HEATR5A: variants seen among roughly 807,000 people sequenced by gnomAD.
HEATR5A encodes HEAT repeat-containing protein 5A.
HEATR5A carries 178 observed loss-of-function variants against 218.8 expected under a neutral mutation model. The observed-to-expected ratio is 0.81, with a 90% CI of 0.72 to 0.92. HEATR5A has a LOEUF of 0.92. Ranked by LOEUF, HEATR5A falls within the 40% of genes least tolerant of loss-of-function variation. HEATR5A has a pLI of 0.00. For missense variants in HEATR5A, 2,420 were observed against 2,418.9 expected, an observed-to-expected ratio of 1.00 and a Z score of -0.01; for synonymous variants, 864 against 871.6, an observed-to-expected ratio of 0.99 and a Z score of 0.15.
Position 31,337,659 on chromosome 14 carries a change from G to A in HEATR5A, c.3229-45C>T, listed in dbSNP as rs1356348598. On this transcript the variant is annotated intron_variant, in intron 21 of 35. Transcript: ENST00000543095. ...GAACGACAGAGCTAAAATTCTTGTT[G>A]GCACTCAGTGAGTCTAATAGATATT... 5 of 1,559,298 alleles carry A rather than the reference G, an allele frequency of 3.2e-6. No homozygotes were observed. The East Asian group carries it at 9.3e-5, about 29-fold the overall frequency.
chr14:31,299,142 A>C (rs902294823), intron 33 of HEATR5A, among the ~76,000 whole-genome samples: 1 of 152,202 alleles, frequency 6.6e-6, no homozygotes. Context: ...ATACACACAT[A>C]GTCCAGAAAG....
At chr14:31,306,337 G>C (rs985757539) in intron 31 of HEATR5A, among the ~76,000 whole-genome samples, 3 of 152,062 alleles carry the variant, frequency 2.0e-5, no homozygotes, top group African/African-American at 7.2e-5. Context: ...GAAAAAATTA[G>C]CCAGGCATGG....
At chr14:31,322,729 G>C (rs959345759) in intron 24 of HEATR5A, among the ~76,000 whole-genome samples, 1 of 151,614 alleles carries the variant, frequency 6.6e-6, no homozygotes, top group Non-Finnish European at 1.5e-5. Context: ...TGGGGTGGGA[G>C]GATTGCTTGA....
At chr14:31,381,494 G>T (rs2029980261) in intron 10 of HEATR5A, among the ~76,000 whole-genome samples, 1 of 147,048 alleles carries the variant, frequency 6.8e-6, no homozygotes, top group Admixed American at 7.0e-5. Flanking sequence ...ACCAGCCTAG[G>T]AGTGAGCTAG....
At chr14:31,402,773 A>G (rs1343569141) in intron 2 of HEATR5A, 77 bp downstream of exon 2, 3 of 1,377,408 alleles carry the variant, frequency 2.2e-6, no homozygotes, top group Non-Finnish European at 2.9e-6. Flanking sequence ...GTTATTCTGG[A>G]AAAAACTAGA....
Position 31,321,684 on chromosome 14 carries a change from TA to T in HEATR5A, c.3788-5del. On this transcript the variant is annotated splice_region_variant and splice_polypyrimidine_tract_variant and intron_variant, in intron 24 of 35. Transcript: ENST00000543095. ...AGATGCAGTACCAAAAAGTCATCTATAAGATTAAAAAACATATTGGGAGAAA... is the reference window on the plus strand; with the variant it reads ...AGATGCAGTACCAAAAAGTCATCTATAGATTAAAAAACATATTGGGAGAAA... The T allele has an allele frequency of 6.4e-7, 1 of 1,564,358 alleles. No homozygotes were observed. Among genetic ancestry groups the T allele is most frequent in the Non-Finnish European group, 8.7e-7 (1 of 1,156,064 alleles).
intron 31 of HEATR5A, 28 bp downstream of exon 31, chr14:31,306,704 C>A: frequency 6.3e-7 from 1 of 1,577,978 alleles, no homozygotes; most frequent in South Asian, 1.2e-5. Context: ...GCTATTTGAT[C>A]AACTCGGCAT....
intron 1 of HEATR5A, among the ~76,000 whole-genome samples, chr14:31,418,591 C>T (rs1159798031): frequency 6.6e-6 from 1 of 152,166 alleles, no homozygotes; most frequent in Non-Finnish European, 1.5e-5. Flanking sequence ...TTTTTGGCCC[C>T]AGTTAATTGA....
Position 31,369,430 on chromosome 14 carries a change from T to A in HEATR5A, c.1961+2380A>T, listed in dbSNP as rs551762812. On this transcript the variant is annotated intron_variant, in intron 13 of 35. Coordinates refer to ENST00000543095, the MANE Select transcript of HEATR5A (RefSeq NM_015473.4). ...AAGTTCAAAACCAGCCTGGCCAACA[T>A]GGCAAAATCCTGTCTCTATGAAAAA... 3.3e-5 allele frequency among the ~76,000 whole-genome samples: 5 copies of A among 151,996 alleles called. No individual in the cohort carries two copies. The South Asian group carries it at 1.0e-3, about 32-fold the overall frequency.
intron 20 of HEATR5A, among the ~76,000 whole-genome samples, chr14:31,344,767 T>C (rs1361816362): frequency 1.7e-4 from 1 of 5,944 alleles, no homozygotes; most frequent in Non-Finnish European, 2.0e-3. Context: ...TGTAATAGTA[T>C]GCAATTTGAA....
At chr14:31,312,472 G>T (rs1252054429) in intron 28 of HEATR5A, among the ~76,000 whole-genome samples, 3 of 151,220 alleles carry the variant, frequency 2.0e-5, no homozygotes, top group African/African-American at 4.9e-5. Context: ...GAGTGCAGTG[G>T]CACGATCTCA....
chr14:31,349,316 G>A (rs1407884254), intron 18 of HEATR5A, among the ~76,000 whole-genome samples: 7 of 151,978 alleles, frequency 4.6e-5, no homozygotes, highest in African/African-American at 1.4e-4. Flanking sequence ...CCTGGGAGGC[G>A]GAGCTTGCAG....
chr14:31,380,514 T>C lies in HEATR5A; in HGVS notation c.1661A>G (p.Gln554Arg). The C allele has an allele frequency of 6.2e-7, 1 of 1,609,402 alleles. No individual in the cohort carries two copies. Residue 554 changes from glutamine to arginine, a missense_variant, in exon 11 of 36, where the codon CAG becomes CGG. Coordinates refer to ENST00000543095, the MANE Select transcript of HEATR5A (RefSeq NM_015473.4). ...CAGCAACCATCCAGCTTGTGTGCGC[T>C]GAGCTGAAAGGCGACTGTTTTGAGC... is the stretch of plus-strand genomic sequence containing the variant. ...SAAQNSRLSA[Q>R]RTQAGWLLIS...
In HEATR5A at chr14:31,293,452, T is replaced by C; in HGVS notation, c.5994A>G (p.Leu1998=). Residue 1998 remains leucine (L), a synonymous_variant, in exon 36 of 36, where the codon TTA becomes TTG. Coordinates refer to ENST00000543095, the MANE Select transcript of HEATR5A (RefSeq NM_015473.4). ...GPQYSSVFKS[L]VASSPALKAR... ...CTTTTAGGGCTGGAGAAGAAGCCAC[T>C]AAACTTTTAAAAACAGATGAATACT... 1 of 1,613,988 alleles carries C rather than the reference T, an allele frequency of 6.2e-7. No individual in the cohort carries two copies. Among genetic ancestry groups the C allele is most frequent in the Admixed American group, 1.7e-5 (1 of 60,014 alleles).
Position 31,326,203 on chromosome 14 carries a change from C to A in HEATR5A, c.3507G>T (p.Leu1169=), listed in dbSNP as rs761327540. 6.2e-7 allele frequency: 1 copy of A among 1,613,274 alleles called. No homozygotes were observed. Among genetic ancestry groups the A allele is most frequent in the African/African-American group, 1.3e-5 (1 of 74,902 alleles). Residue 1169 remains leucine (L), a synonymous_variant, in exon 23 of 36, where the codon CTG becomes CTT. Coordinates refer to ENST00000543095, the MANE Select transcript of HEATR5A (RefSeq NM_015473.4). ...GTACATCTTTACAAAGCTTTAACCA[C>A]AGGGAGAGTTTTTCCACTGCCATAG... ...LTSMAVEKLS[L]WLKLCKDVLA...
chr14:31,386,640 A>C (rs2030235526), intron 8 of HEATR5A, 65 bp from the exon 9 acceptor site: 1 of 1,444,254 alleles, frequency 6.9e-7, no homozygotes, highest in Non-Finnish European at 9.2e-7. Flanking sequence ...AAAGGGTGTG[A>C]AGAGTAAAAA....
intron 30 of HEATR5A, among the ~76,000 whole-genome samples, chr14:31,307,651 T>C (rs1486642813): frequency 6.6e-6 from 1 of 152,178 alleles, no homozygotes; most frequent in African/African-American, 2.4e-5. Context: ...CAATGCAATA[T>C]AGAACCCTCC....
intron 1 of HEATR5A, among the ~76,000 whole-genome samples, chr14:31,412,378 C>T (rs1234004693): frequency 3.3e-5 from 5 of 151,536 alleles, no homozygotes; most frequent in African/African-American, 7.3e-5. Flanking sequence ...GGGTGGATCA[C>T]GAGGTCAAGA....
chr14:31,292,322 T>C lies in HEATR5A; in HGVS notation c.*983A>G, dbSNP rs2139113367. On this transcript the variant is annotated 3_prime_UTR_variant, in exon 36 of 36. Transcript: ENST00000543095. ...GTAAGAACAGAGGTAAACAGAAAAATCCATTTGAAAAATAGTGGAAATGGC... is the reference window on the plus strand; with the variant it reads ...GTAAGAACAGAGGTAAACAGAAAAACCCATTTGAAAAATAGTGGAAATGGC... 2 of 152,110 alleles carry C rather than the reference T, an allele frequency of 1.3e-5. No individual in the cohort carries two copies. The highest frequency in any genetic ancestry group is 3.9e-4 in the East Asian group (2 of 5,178). 9.4% of individuals were successfully genotyped at this position (152,110 alleles called of 1,614,324 possible).
Sources: allele counts gnomAD v4.1 joint callset (sites outside exome capture counted in the v4.1 genomes callset), GRCh38; gene constraint gnomAD v4.1.1; transcripts MANE v1.5; gene names NCBI Gene and HGNC (gene_info 2026-07-23, HGNC 2026-07-21).